CTNNA2: variants seen among roughly 807,000 people sequenced by gnomAD.
CTNNA2 encodes catenin alpha-2.
A neutral mutation model predicts 101.0 loss-of-function variants in CTNNA2; 42 were observed. The observed-to-expected ratio is 0.42, with a 90% CI of 0.32 to 0.54. The LOEUF is 0.54. CTNNA2 is among the 20% of genes least tolerant of loss of function. The probability of loss-of-function intolerance (pLI) is 0.14; values close to 1 mark genes in which losing one functional copy is unlikely to be tolerated. For synonymous variants in CTNNA2, 450 were observed against 456.4 expected, an observed-to-expected ratio of 0.99 and a Z score of 0.18; for missense variants, 871 against 1,223.1, an observed-to-expected ratio of 0.71 and a Z score of 4.29.
intron 2 of CTNNA2, among the ~76,000 whole-genome samples, chr2:79,206,742 G>A (rs368522200): frequency 6.6e-6 from 1 of 152,156 alleles, no homozygotes; most frequent in Non-Finnish European, 1.5e-5. Context: ...ATAACTGTGA[G>A]TGAGGAAGAT....
intron 1 of CTNNA2, among the ~76,000 whole-genome samples, chr2:79,546,865 G>A (rs754802156): frequency 2.6e-5 from 4 of 152,168 alleles, no homozygotes; most frequent in African/African-American, 4.8e-5. Flanking sequence ...AAGAAGTTAA[G>A]GAAGCTGGGT....
intron 7 of CTNNA2, among the ~76,000 whole-genome samples, chr2:80,010,122 C>T (rs1310911319): frequency 6.6e-6 from 1 of 152,186 alleles, no homozygotes; most frequent in Non-Finnish European, 1.5e-5. Flanking sequence ...CCTACCCCTT[C>T]TCATCTTTTA....
At chr2:79,302,980 A>T (rs1401341981) in intron 2 of CTNNA2, among the ~76,000 whole-genome samples, 1 of 152,200 alleles carries the variant, frequency 6.6e-6, no homozygotes, top group Non-Finnish European at 1.5e-5. Flanking sequence ...GACCACAAAA[A>T]CATAATTAGT....
intron 7 of CTNNA2, among the ~76,000 whole-genome samples, chr2:80,338,534 A>C (rs1466427371): frequency 6.6e-6 from 1 of 152,162 alleles, no homozygotes; most frequent in Non-Finnish European, 1.5e-5. Context: ...GGAACATGCT[A>C]ACAGTTGGGT....
At chr2:79,379,103 G>A (rs1291190381) in intron 4 of CTNNA2, among the ~76,000 whole-genome samples, 4 of 152,076 alleles carry the variant, frequency 2.6e-5, no homozygotes, top group Non-Finnish European at 4.4e-5. Context: ...TAAATAGATA[G>A]GGATAAAGGG....
intron 14 of CTNNA2, among the ~76,000 whole-genome samples, chr2:80,588,238 C>T (rs1395704617): frequency 2.6e-5 from 4 of 152,168 alleles, no homozygotes; most frequent in African/African-American, 9.7e-5. Context: ...CCTTCTCGTG[C>T]TCGGGGACAC....
At chr2:79,273,663 C>T (rs958893282) in intron 2 of CTNNA2, among the ~76,000 whole-genome samples, 8 of 152,046 alleles carry the variant, frequency 5.3e-5, no homozygotes, top group Non-Finnish European at 1.2e-4. Flanking sequence ...ATGATTCAGA[C>T]AATTCTGATG....
Position 80,300,281 on chromosome 2 carries a change from G to GGGGTGTGT in CTNNA2, c.1057-92929_1057-92928insGGTGTGTG, listed in dbSNP as rs1353283390. The stretch of plus-strand genomic sequence containing the variant: ...CAGGAAAAATGAGCTGGGGTGTTGG[G>GGGGTGTGT]GTGTGTGTGTGTGTGTGTGTGTGTG... On this transcript the variant is annotated intron_variant, in intron 7 of 18. Transcript: ENST00000402739. Among the ~76,000 whole-genome samples, 305 of 93,148 alleles carry GGGGTGTGT rather than the reference G, an allele frequency of 3.3e-3. 2 individuals are homozygous for GGGGTGTGT. Among genetic ancestry groups the GGGGTGTGT allele is most frequent in the Middle Eastern group, 0.014 (2 of 142 alleles). The allele number at this position is 93,148 out of a possible 152,430, so 61.1% of individuals were successfully genotyped here.
chr2:79,526,041 G>A (rs180974783), intron 1 of CTNNA2, among the ~76,000 whole-genome samples: 80 of 151,924 alleles, frequency 5.3e-4, no homozygotes, highest in South Asian at 1.5e-3. Flanking sequence ...AGGTGTATAC[G>A]TTTTATTGTT....
intron 4 of CTNNA2, among the ~76,000 whole-genome samples, chr2:79,377,440 C>T (rs985736916): frequency 6.6e-6 from 1 of 152,176 alleles, no homozygotes; most frequent in Admixed American, 6.5e-5. Flanking sequence ...TACAAAGCTG[C>T]TTAGCCCATA....
chr2:80,386,067 A>T (rs1260442543), intron 7 of CTNNA2, among the ~76,000 whole-genome samples: 5 of 152,110 alleles, frequency 3.3e-5, no homozygotes, highest in African/African-American at 1.2e-4. Context: ...GCATATCCTG[A>T]TATTGCTCTA....
intron 14 of CTNNA2, among the ~76,000 whole-genome samples, chr2:80,584,926 G>A (rs1482930116): frequency 6.6e-6 from 1 of 152,004 alleles, no homozygotes; most frequent in African/African-American, 2.4e-5. Flanking sequence ...TGAGTTAATG[G>A]GACAACTACC....
At chr2:80,051,223 G>T (rs1400817623) in intron 7 of CTNNA2, among the ~76,000 whole-genome samples, 1 of 152,194 alleles carries the variant, frequency 6.6e-6, no homozygotes, top group Non-Finnish European at 1.5e-5. Flanking sequence ...CTAGTCATGA[G>T]AACGTCTCTA....
chr2:80,332,937 AAAG>A (rs1329656416), intron 7 of CTNNA2, among the ~76,000 whole-genome samples: 4 of 152,194 alleles, frequency 2.6e-5, no homozygotes, highest in Non-Finnish European at 5.9e-5. Context: ...AAATAAACCA[AAAG>A]AAGAATAATA....
intron 7 of CTNNA2, among the ~76,000 whole-genome samples, chr2:80,183,326 TTTTC>T (rs553195860): frequency 7.6e-4 from 116 of 152,192 alleles, no homozygotes; most frequent in African/African-American, 2.7e-3. Flanking sequence ...ACAGCTTGGG[TTTTC>T]TTTTCTGACT....
intron 2 of CTNNA2, among the ~76,000 whole-genome samples, chr2:79,724,191 G>GT: frequency 6.6e-6 from 1 of 151,012 alleles, no homozygotes; most frequent in Non-Finnish European, 1.5e-5. Context: ...TTTCCTTCAG[G>GT]TTTTTTTCCA....
At chr2:79,750,947 G>C (rs1310076331) in intron 3 of CTNNA2, among the ~76,000 whole-genome samples, 1 of 152,008 alleles carries the variant, frequency 6.6e-6, no homozygotes, top group Non-Finnish European at 1.5e-5. Flanking sequence ...ATTATGGATA[G>C]ATATATCCTA....
chr2:80,314,348 T>C (rs1201898533), intron 7 of CTNNA2, among the ~76,000 whole-genome samples: 5 of 152,220 alleles, frequency 3.3e-5, no homozygotes, highest in African/African-American at 1.2e-4. Flanking sequence ...GTGAACTGTA[T>C]TCAGCTTAAG....
intron 7 of CTNNA2, among the ~76,000 whole-genome samples, chr2:80,079,828 T>TAAATAAAATAAAAAAATAAAATAAAATA (rs1699009532): frequency 8.3e-6 from 1 of 120,088 alleles, no homozygotes; most frequent in Non-Finnish European, 1.7e-5. Flanking sequence ...TAAAATAAAA[T>TAAATAAAATAAAAAAATAAAATAAAATA]AAATAAAATA....
Sources: gnomAD v4.1 joint callset for allele counts (sites outside exome capture counted in the v4.1 genomes callset) on GRCh38, gnomAD v4.1.1 for gene constraint, MANE v1.5 for transcripts, NCBI Gene and HGNC (gene_info 2026-07-23, HGNC 2026-07-21) for gene names.